Variants in NRXN3 observed in about 807,000 individuals in gnomAD.
NRXN3 encodes neurexin III.
In NRXN3, 32 loss-of-function variants were observed where a neutral mutation model predicts 137.6. The observed-to-expected ratio is 0.23, with a 90% CI of 0.18 to 0.31. The LOEUF (loss-of-function observed/expected upper bound fraction) is 0.31. Among genes scored for constraint, NRXN3 ranks in the 10% least tolerant of loss-of-function variants. NRXN3 has a pLI of 1.00. For missense variants in NRXN3, 1,574 were observed against 2,062.5 expected, an observed-to-expected ratio of 0.76 and a Z score of 4.59; for synonymous variants, 798 against 784.5, an observed-to-expected ratio of 1.02 and a Z score of -0.29.
intron 16 of NRXN3, among the ~76,000 whole-genome samples, chr14:79,656,446 T>G (rs1334721242): frequency 6.6e-6 from 1 of 152,156 alleles, no homozygotes; most frequent in Non-Finnish European, 1.5e-5. Context: ...CCGAGTAGAT[T>G]TGAAGGACGT....
At chr14:79,829,249 C>T (rs979532204) in intron 20 of NRXN3, among the ~76,000 whole-genome samples, 1 of 152,130 alleles carries the variant, frequency 6.6e-6, no homozygotes, top group Non-Finnish European at 1.5e-5. Flanking sequence ...AAAGAAATAA[C>T]ACTTTCTCCA....
Position 79,530,166 on chromosome 14 carries a change from C to G in NRXN3, c.3444+62764C>G, listed in dbSNP as rs76155675. On this transcript the variant is annotated intron_variant, in intron 16 of 20. Transcript: ENST00000335750. ...ACAGAAATGATTGCAAATCTCCAAA[C>G]TCACAGACATTTGCCCAGAGTCCCC... Among the ~76,000 whole-genome samples, 1,463 of 152,160 alleles carry G rather than the reference C, an allele frequency of 9.6e-3. 21 individuals carry two copies. The highest frequency in any genetic ancestry group is 0.034 in the African/African-American group (1,406 of 41,514).
At chr14:78,968,428 C>A (rs893784792) in intron 14 of NRXN3, 82 bp downstream of exon 14, 1 of 1,290,874 alleles carries the variant, frequency 7.7e-7, no homozygotes, top group Non-Finnish European at 1.1e-6. Flanking sequence ...CTGCCTCCTT[C>A]CTCAGTTGAC....
In NRXN3 at chr14:78,645,234, A is replaced by G; in HGVS notation, c.872A>G (p.Gln291Arg). Reference protein sequence around the residue: ...DEITLSFKTWQRNGLILHTGK... With the variant: ...DEITLSFKTWRRNGLILHTGK... Reference sequence around the variant, plus strand: ...ATCACCCTCTCCTTTAAGACCTGGCAGCGTAACGGCCTCATCCTGCACACG... The same window carrying G: ...ATCACCCTCTCCTTTAAGACCTGGCGGCGTAACGGCCTCATCCTGCACACG... Residue 291 changes from glutamine (Q) to arginine (R), a missense_variant, in exon 5 of 21, where the codon CAG (glutamine) becomes CGG (arginine). Physicochemically the swap from Gln to Arg is conservative, Grantham distance 43. Around this residue, in one of 5 missense-constraint regions of NRXN3, gnomAD observed 400 missense variants for 527.3 expected, o/e 0.76. Transcript: ENST00000335750. 6.3e-7 allele frequency: 1 copy of G among 1,598,800 alleles called. No homozygotes were observed.
intron 8 of NRXN3, among the ~76,000 whole-genome samples, chr14:78,735,298 A>G (rs1418761324): frequency 5.3e-5 from 8 of 152,212 alleles, no homozygotes; most frequent in Non-Finnish European, 1.0e-4. Flanking sequence ...ACATCTCAAT[A>G]TCAAACAGAA....
rs531580139 is a variant in NRXN3 at position 78,376,445 on chromosome 14, A to C, written c.757+78585A>C. Among the ~76,000 whole-genome samples the C allele has an allele frequency of 2.6e-5, 4 of 152,334 alleles. No homozygotes were observed. In the South Asian group the frequency reaches 6.2e-4, roughly 24 times the overall value. Reference sequence around the variant, plus strand: ...CACTGCCACAGGGACTCCCACTCCCAAAAAATTGGATAGACATATTGGTCC... The same window carrying C: ...CACTGCCACAGGGACTCCCACTCCCCAAAAATTGGATAGACATATTGGTCC... On this transcript the variant is annotated intron_variant, in intron 4 of 20. Transcript: ENST00000335750.
intron 10 of NRXN3, among the ~76,000 whole-genome samples, chr14:78,955,158 CT>C (rs2099394595): frequency 6.6e-6 from 1 of 152,272 alleles, no homozygotes; most frequent in South Asian, 2.1e-4. Context: ...TTCTCCACGT[CT>C]TTCTTCACTT....
At chr14:79,794,093 G>T (rs750564960) in intron 19 of NRXN3, among the ~76,000 whole-genome samples, 13 of 152,156 alleles carry the variant, frequency 8.5e-5, no homozygotes, top group Non-Finnish European at 1.5e-4. Flanking sequence ...AGAGAGAACA[G>T]GTGGCTCACG....
chr14:79,429,974 GA>G (rs541690115), intron 15 of NRXN3, among the ~76,000 whole-genome samples: 5,575 of 142,920 alleles, frequency 0.039, 155 homozygotes, highest in African/African-American at 0.089. Context: ...TTGTTGTCAG[GA>G]AAAAAAAAAA....
At chr14:78,641,620 G>A (rs2097633406) in intron 4 of NRXN3, among the ~76,000 whole-genome samples, 1 of 152,200 alleles carries the variant, frequency 6.6e-6, no homozygotes, top group South Asian at 2.1e-4. Flanking sequence ...TCTATTGTTT[G>A]TTGACCAATG....
intron 15 of NRXN3, among the ~76,000 whole-genome samples, chr14:79,262,425 G>A (rs1189799202): frequency 6.6e-6 from 1 of 150,544 alleles, no homozygotes; most frequent in African/African-American, 2.4e-5. Flanking sequence ...AGGAAAAGGA[G>A]AAGAGGAAGG....
At chr14:79,338,417 G>A (rs1260250250) in intron 15 of NRXN3, among the ~76,000 whole-genome samples, 1 of 151,896 alleles carries the variant, frequency 6.6e-6, no homozygotes, top group African/African-American at 2.4e-5. Context: ...TTTGAACTTC[G>A]ATTTTACCAC....
chr14:79,349,243 TCAAATTTTACA>T (rs990706225), intron 15 of NRXN3, among the ~76,000 whole-genome samples: 1 of 151,968 alleles, frequency 6.6e-6, no homozygotes, highest in African/African-American at 2.4e-5. Context: ...GCTAAAAAAT[TCAAATTTTACA>T]GAAATTTTAC....
intron 1 of NRXN3, among the ~76,000 whole-genome samples, chr14:78,233,465 A>G (rs1280066047): frequency 1.3e-5 from 2 of 151,968 alleles, no homozygotes; most frequent in African/African-American, 4.8e-5. Context: ...ATTGTATTGT[A>G]TTCCATGTAT....
chr14:79,497,179 G>T lies in NRXN3; in HGVS notation c.3444+29777G>T, dbSNP rs953490047. Among the ~76,000 whole-genome samples the T allele has an allele frequency of 3.9e-5, 6 of 152,288 alleles. 1 individual carries two copies. The South Asian group carries it at 1.2e-3, about 32-fold the overall frequency. ...TAGTTCACTGTCCTGGGACCAAGAA[G>T]AGGTACAATTAACCATGTTGCCTAT... On this transcript the variant is annotated intron_variant, in intron 16 of 20. Transcript: ENST00000335750.
rs542262269 is a variant in NRXN3 at position 78,418,099 on chromosome 14, A to G, written c.757+120239A>G. 5.3e-5 allele frequency among the ~76,000 whole-genome samples: 8 copies of G among 152,266 alleles called. No homozygotes were observed. The East Asian group carries it at 7.7e-4, about 15-fold the overall frequency. The stretch of plus-strand genomic sequence containing the variant: ...GTTGGAATTAGTGTGCATGTTCTCC[A>G]TGAAGGTGAAATTTGTATGGCTCTG... On this transcript the variant is annotated intron_variant, in intron 4 of 20. Transcript: ENST00000335750.
At chr14:79,650,472 A>G (rs746337470) in intron 16 of NRXN3, among the ~76,000 whole-genome samples, 1 of 152,162 alleles carries the variant, frequency 6.6e-6, no homozygotes. Flanking sequence ...CAAGCTCAGC[A>G]ATGTGACTTT....
chr14:78,285,013 A>C (rs2074978712), intron 3 of NRXN3, among the ~76,000 whole-genome samples: 1 of 152,216 alleles, frequency 6.6e-6, no homozygotes, highest in Admixed American at 6.5e-5. Context: ...TCTGCTTGGT[A>C]GTTCTGCCAC....
chr14:79,545,679 G>T (rs868372300), intron 16 of NRXN3, among the ~76,000 whole-genome samples: 188 of 148,892 alleles, frequency 1.3e-3, no homozygotes, highest in Non-Finnish European at 1.9e-3. Context: ...TTTTTTTTTT[G>T]TTGTTGTTGT....
Sources: gnomAD v4.1 joint callset for allele counts (sites outside exome capture counted in the v4.1 genomes callset) on GRCh38, gnomAD v4.1.1 for gene constraint, gnomAD v4.1.1 regional missense constraint, MANE v1.5 for transcripts, NCBI Gene and HGNC (gene_info 2026-07-23, HGNC 2026-07-21) for gene names.